The following SPPL2A variants were observed in gnomAD, a reference collection of about 807,000 sequenced individuals.
SPPL2A encodes the protein signal peptide peptidase like 2A.
Under a neutral mutation model 63.8 loss-of-function variants are expected in SPPL2A, and 51 were observed. The ratio of observed to expected loss-of-function variants is 0.80; its 90% CI spans 0.64 to 1.01. The LOEUF (loss-of-function observed/expected upper bound fraction) is 1.01, where lower values mean the gene tolerates loss of function less well. Among genes scored for constraint, SPPL2A ranks in the 50% least tolerant of loss-of-function variants. SPPL2A has a pLI of 0.00. For synonymous variants in SPPL2A, 188 were observed against 205.8 expected (o/e 0.91, Z 0.74); for missense variants, 553 against 622.7 (o/e 0.89, Z 1.19).
chr15:50,763,256 A>G (rs2063027714), intron 1 of SPPL2A, among the ~76,000 whole-genome samples: 1 of 152,068 alleles, frequency 6.6e-6, no homozygotes, highest in Non-Finnish European at 1.5e-5. Flanking sequence ...AGCTGAGGAA[A>G]AGGAAACCAG....
chr15:50,752,328 T>C (rs757697310), intron 1 of SPPL2A, among the ~76,000 whole-genome samples: 10 of 151,748 alleles, frequency 6.6e-5, no homozygotes, highest in Non-Finnish European at 1.2e-4. Flanking sequence ...ATGCCTTTAA[T>C]CCCAGCACTT....
At chr15:50,752,535 T>A (rs1477911447) in intron 1 of SPPL2A, among the ~76,000 whole-genome samples, 1 of 152,080 alleles carries the variant, frequency 6.6e-6, no homozygotes, top group African/African-American at 2.4e-5. Context: ...CTGATCAACA[T>A]GGTGAAACCC....
intron 1 of SPPL2A, among the ~76,000 whole-genome samples, chr15:50,750,068 T>A (rs547064775): frequency 6.6e-6 from 1 of 152,264 alleles, no homozygotes; most frequent in South Asian, 2.1e-4. Flanking sequence ...CTGGAAACTT[T>A]CCTTTCCAAT....
At chr15:50,731,128 G>T in intron 9 of SPPL2A, 89 bp from the exon 10 acceptor site, 1 of 606,900 alleles carries the variant, frequency 1.6e-6, no homozygotes, top group Non-Finnish European at 3.0e-6. Context: ...ATAAATATAT[G>T]AATATACATT....
chr15:50,712,931 G>A (rs1316782758), intron 14 of SPPL2A, among the ~76,000 whole-genome samples: 4 of 151,890 alleles, frequency 2.6e-5, no homozygotes, highest in Admixed American at 6.6e-5. Flanking sequence ...TGATCTGCCC[G>A]CCTTGGCCTC....
chr15:50,748,575 C>T (rs2062878389), intron 3 of SPPL2A, 113 bp downstream of exon 3: 2 of 679,066 alleles, frequency 2.9e-6, no homozygotes, highest in Non-Finnish European at 4.9e-6. Flanking sequence ...AGAATCTTGC[C>T]ATCAGATCAT....
At chr15:50,717,474 T>G (rs895507000) in intron 14 of SPPL2A, among the ~76,000 whole-genome samples, 1 of 152,186 alleles carries the variant, frequency 6.6e-6, no homozygotes. Context: ...TGTCTGGCCT[T>G]CTATCACTTC....
intron 14 of SPPL2A, among the ~76,000 whole-genome samples, chr15:50,711,352 G>A (rs2062556948): frequency 6.6e-6 from 1 of 151,786 alleles, no homozygotes. Context: ...TGGGATTACA[G>A]GCACACGCCA....
At chr15:50,730,929 C>A in intron 10 of SPPL2A, 36 bp downstream of exon 10, 1 of 829,334 alleles carries the variant, frequency 1.2e-6, no homozygotes. Flanking sequence ...CATTTTTTAG[C>A]ATGTTTCTTC....
Position 50,748,222 on chromosome 15 carries a change from G to C in SPPL2A, c.361-20C>G, listed in dbSNP as rs1489804849. ...AGGAAACTAAAAAAGAAAAAATTATGAAAACTTATTTACTACTAATATATT... is the reference window on the plus strand; with the variant it reads ...AGGAAACTAAAAAAGAAAAAATTATCAAAACTTATTTACTACTAATATATT... On this transcript the variant is annotated intron_variant, in intron 3 of 14. Coordinates refer to ENST00000261854, the MANE Select transcript of SPPL2A (RefSeq NM_032802.4). 9.7e-7 allele frequency: 1 copy of C among 1,035,252 alleles called. No homozygotes were observed. Among genetic ancestry groups the C allele is most frequent in the South Asian group, 1.8e-5 (1 of 54,580 alleles). 64.1% of individuals were successfully genotyped at this position (1,035,252 alleles called of 1,614,324 possible). A position where few individuals can be genotyped will look rare whatever the true frequency, so the allele number is the denominator to read the frequency against.
At chr15:50,717,565 A>G (rs1185863868) in intron 14 of SPPL2A, among the ~76,000 whole-genome samples, 1 of 152,180 alleles carries the variant, frequency 6.6e-6, no homozygotes, top group African/African-American at 2.4e-5. Flanking sequence ...AGTGCTTAGT[A>G]TAGAGTCCAA....
intron 1 of SPPL2A, among the ~76,000 whole-genome samples, chr15:50,751,297 T>A (rs2062904017): frequency 6.6e-6 from 1 of 152,220 alleles, no homozygotes; most frequent in African/African-American, 2.4e-5. Flanking sequence ...TAGGTTACTT[T>A]CATGCATTTT....
At chr15:50,719,919 A>T in intron 14 of SPPL2A, 21 bp downstream of exon 14, 1 of 1,581,232 alleles carries the variant, frequency 6.3e-7, no homozygotes, top group East Asian at 2.2e-5. Flanking sequence ...ATAACTTGGT[A>T]ACCAAAGTAT....
chr15:50,741,295 A>G (rs2062817834), intron 5 of SPPL2A, among the ~76,000 whole-genome samples: 1 of 151,906 alleles, frequency 6.6e-6, no homozygotes, highest in Admixed American at 6.6e-5. Context: ...TCTGGGCTCA[A>G]TATAAAATTT....
In SPPL2A at chr15:50,747,049, A is replaced by G. The variant is rs542647898; in HGVS notation, c.584+446T>C. ...CAAGCCTTGAAATAAATCTTGACTA[A>G]GTGAAAAAAAAGATGGACATTACTA... On this transcript the variant is annotated intron_variant, in intron 5 of 14. Coordinates refer to ENST00000261854, the MANE Select transcript of SPPL2A (RefSeq NM_032802.4). Among the ~76,000 whole-genome samples, 3 of 152,294 alleles carry G rather than the reference A, an allele frequency of 2.0e-5. No homozygotes were observed. The East Asian group carries it at 5.8e-4, about 29-fold the overall frequency.
In SPPL2A at chr15:50,707,484, T is replaced by A. The variant is rs2062519594; in HGVS notation, c.*316A>T. On this transcript the variant is annotated 3_prime_UTR_variant, in exon 15 of 15. Transcript: ENST00000261854. ...AACTACTTGTATCTACCATCAGAGCTGAAAGAAACAGATTTCGTTAAAAAA... is the reference window on the plus strand; with the variant it reads ...AACTACTTGTATCTACCATCAGAGCAGAAAGAAACAGATTTCGTTAAAAAA... 4.7e-6 allele frequency: 1 copy of A among 211,248 alleles called. No homozygotes were observed. The highest frequency in any genetic ancestry group is 5.5e-5 in the Admixed American group (1 of 18,028). 13.1% of individuals were successfully genotyped at this position (211,248 alleles called of 1,614,324 possible). A position where few individuals can be genotyped will look rare whatever the true frequency, so the allele number is the denominator to read the frequency against.
intron 1 of SPPL2A, among the ~76,000 whole-genome samples, chr15:50,763,564 T>C (rs1465840144): frequency 6.6e-6 from 1 of 152,176 alleles, no homozygotes; most frequent in Non-Finnish European, 1.5e-5. Flanking sequence ...AACCCGAGAT[T>C]ACCATGGTGA....
At chr15:50,721,185 C>T (rs939052319) in intron 13 of SPPL2A, among the ~76,000 whole-genome samples, 2 of 151,892 alleles carry the variant, frequency 1.3e-5, no homozygotes, top group Non-Finnish European at 1.5e-5. Context: ...AGGTGTGCAC[C>T]ACCATGCCCA....
chr15:50,736,193 A>C lies in SPPL2A; in HGVS notation c.840T>G (p.Cys280Trp). Reference sequence around the variant, plus strand: ...GTCTCACTTCCATGTTTTTGCCACGACATGCAATCCTAAAAAACAGATTAA... The same window carrying C: ...GTCTCACTTCCATGTTTTTGCCACGCCATGCAATCCTAAAAAACAGATTAA... ...KIPYGQCTIA[C>W]RGKNMEVRLI... The change falls in exon 8 of 15, where the codon TGT (cysteine) becomes TGG (tryptophan). Residue 280 changes from cysteine (C) to tryptophan (W), a missense_variant. Transcript: ENST00000261854. 1 of 1,604,134 alleles carries C rather than the reference A, an allele frequency of 6.2e-7. No individual in the cohort carries two copies. The highest frequency in any genetic ancestry group is 8.5e-7 in the Non-Finnish European group (1 of 1,171,396).
Sources: gnomAD v4.1 joint callset for allele counts (sites outside exome capture counted in the v4.1 genomes callset) on GRCh38, gnomAD v4.1.1 for gene constraint, MANE v1.5 for transcripts, NCBI Gene and HGNC (gene_info 2026-07-23, HGNC 2026-07-21) for gene names.